The following ERAP2 variants were observed in gnomAD, a reference collection of about 807,000 sequenced individuals.
ERAP2 encodes endoplasmic reticulum aminopeptidase 2, also known as leukocyte-derived arginine aminopeptidase.
In ERAP2, 118 loss-of-function variants were observed where a neutral mutation model predicts 111.1. The observed-to-expected ratio is 1.06, with a 90% CI of 0.92 to 1.24. The LOEUF is 1.24. ERAP2 is among the 50% of genes most tolerant of loss of function. The pLI, the probability that ERAP2 is intolerant of heterozygous loss-of-function variation, is 0.00. For synonymous variants in ERAP2, 410 were observed against 401.2 expected (o/e 1.02, Z -0.26); for missense variants, 1,131 against 1,125.8 (o/e 1.00, Z -0.07).
At chr5:96,896,053 AG>A (rs2151160403) in intron 7 of ERAP2, among the ~76,000 whole-genome samples, 1 of 152,322 alleles carries the variant, frequency 6.6e-6, no homozygotes, top group Non-Finnish European at 1.5e-5. Context: ...ACAGGATTGC[AG>A]ATGATAGGTC....
At chr5:96,916,325 T>C (rs1018474404) in intron 18 of ERAP2, among the ~76,000 whole-genome samples, 18 of 151,882 alleles carry the variant, frequency 1.2e-4, no homozygotes, top group South Asian at 4.1e-4. Flanking sequence ...AAAATGAAAA[T>C]AGACTTGAGA....
chr5:96,912,756 T>C lies in ERAP2; in HGVS notation c.2474T>C (p.Leu825Pro), dbSNP rs1225766579. 1.2e-6 allele frequency: 2 copies of C among 1,600,786 alleles called. No homozygotes were observed. The highest frequency in any genetic ancestry group is 1.4e-5 in the African/African-American group (1 of 74,002). Residue 825 changes from leucine (L) to proline (P), a missense_variant, in exon 16 of 19, where the codon CTG becomes CCG. Around this residue, in one of 3 missense-constraint regions of ERAP2, gnomAD observed 279 missense variants for 250.9 expected, o/e 1.11. Transcript: ENST00000437043. ...SMSSAEQNKI[L>P]YALSTSKHQE... The stretch of plus-strand genomic sequence containing the variant: ...TCAAGTGCTGAACAAAACAAAATTC[T>C]GTATGCTTTGTCAACGAGCAAGCAT...
Position 96,895,258 on chromosome 5 carries a change from C to T in ERAP2, c.1138C>T (p.Leu380=). The change falls in exon 7 of 19, where the codon CTG becomes TTG. Residue 380 remains leucine, a synonymous_variant. Coordinates refer to ENST00000437043, the MANE Select transcript of ERAP2 (RefSeq NM_022350.5). ...HELAHQWFGN[L]VTMEWWNDIW... is the part of the protein sequence containing the mutation. ...TTTTACCTCCTAGTGGTTTGGCAAC[C>T]TGGTCACAATGGAATGGTGGAATGA... is the stretch of plus-strand genomic sequence containing the variant. 4 of 1,607,500 alleles carry T rather than the reference C, an allele frequency of 2.5e-6. No individual in the cohort carries two copies. Among genetic ancestry groups the T allele is most frequent in the Non-Finnish European group, 3.4e-6 (4 of 1,177,050 alleles).
chr5:96,895,804 T>G, intron 7 of ERAP2, among the ~76,000 whole-genome samples: 1 of 152,198 alleles, frequency 6.6e-6, no homozygotes, highest in Non-Finnish European at 1.5e-5. Flanking sequence ...CAGGTACGTC[T>G]TTTTTAAAAA....
chr5:96,902,123 GTC>G, intron 11 of ERAP2, 149 bp from the exon 12 acceptor site: 3 of 573,272 alleles, frequency 5.2e-6, no homozygotes, highest in South Asian at 2.5e-5. Context: ...GGATATGCTA[GTC>G]TTAGCCTATA....
chr5:96,912,929 T>G, intron 16 of ERAP2, 131 bp downstream of exon 16: 1 of 711,256 alleles, frequency 1.4e-6, no homozygotes. Context: ...TTAACTTTAC[T>G]TTCAGAAAAG....
chr5:96,885,158 T>A (rs112693533), intron 3 of ERAP2, among the ~76,000 whole-genome samples: 1,795 of 152,294 alleles, frequency 0.012, 24 homozygotes, highest in Non-Finnish European at 0.019. Flanking sequence ...ACCAGCCTTC[T>A]AGTAGCCCAG....
chr5:96,913,543 A>G, intron 17 of ERAP2, 86 bp downstream of exon 17: 1 of 1,466,082 alleles, frequency 6.8e-7, no homozygotes, highest in South Asian at 1.2e-5. Context: ...TGTTTCTCAA[A>G]GCATATAAAT....
In ERAP2 at chr5:96,882,346, G is replaced by T. The variant is rs142137561; in HGVS notation, c.576-1446G>T. Among the ~76,000 whole-genome samples, 19 of 152,266 alleles carry T rather than the reference G, an allele frequency of 1.2e-4. No individual in the cohort carries two copies. The East Asian group carries it at 2.7e-3, about 22-fold the overall frequency. On this transcript the variant is annotated intron_variant, in intron 2 of 18. Transcript: ENST00000437043. ...GGAGATATTTGGAGTAAAGCTGTAG[G>T]ACTTTCCAGCATGCCTCCCGTGATT...
intron 5 of ERAP2, among the ~76,000 whole-genome samples, chr5:96,891,503 A>G (rs536748031): frequency 0.15 from 5,898 of 39,148 alleles, 199 homozygotes; most frequent in Middle Eastern, 0.33. Flanking sequence ...GTGTGTGTAT[A>G]TATATATATA....
In ERAP2 at chr5:96,902,283, G is replaced by A. The variant is rs374809768; in HGVS notation, c.1758G>A (p.Trp586Ter). The change falls in exon 12 of 19, where the codon TGG (tryptophan) becomes TGA (stop). Residue 586 changes from tryptophan (W) to a stop codon, truncating the protein, a stop_gained. Transcript: ENST00000437043. LOFTEE classifies it high-confidence loss of function. ...EWRALQERYL[W>*]HIPLTYSTSS... ...TTACTCTCTGTCATAGGTACCTGTG[G>A]CATATCCCATTGACCTACTCCACGA... The A allele has an allele frequency of 2.6e-5, 41 of 1,604,124 alleles. No individual in the cohort carries two copies. Among genetic ancestry groups the A allele is most frequent in the Admixed American group, 5.0e-5 (3 of 59,948 alleles).
intron 5 of ERAP2, 23 bp from the exon 6 acceptor site, chr5:96,892,276 G>A: frequency 6.2e-7 from 1 of 1,612,606 alleles, no homozygotes; most frequent in Non-Finnish European, 8.5e-7. Flanking sequence ...TAAAACTCAA[G>A]TATGGTTGTT....
chr5:96,886,248 A>G (rs1336941813), intron 3 of ERAP2, among the ~76,000 whole-genome samples: 5 of 152,216 alleles, frequency 3.3e-5, no homozygotes, highest in African/African-American at 1.2e-4. Flanking sequence ...TTCTTTTTCC[A>G]CAGGGGTGTA....
chr5:96,885,665 T>C (rs969751546), intron 3 of ERAP2, among the ~76,000 whole-genome samples: 1 of 152,206 alleles, frequency 6.6e-6, no homozygotes, highest in African/African-American at 2.4e-5. Flanking sequence ...GTCAGCATCA[T>C]CACAAGCCTG....
chr5:96,889,011 A>G (rs1157761090), intron 4 of ERAP2, among the ~76,000 whole-genome samples, 174 bp from the exon 5 acceptor site: 6 of 152,150 alleles, frequency 3.9e-5, no homozygotes, highest in African/African-American at 1.4e-4. Flanking sequence ...TTCAAGACTG[A>G]CTTTTGCTTT....
intron 2 of ERAP2, 79 bp downstream of exon 2, chr5:96,880,339 T>C: frequency 7.9e-7 from 1 of 1,262,562 alleles, no homozygotes; most frequent in Non-Finnish European, 1.1e-6. Flanking sequence ...GGAGCAGACT[T>C]CAGCAGCCAT....
intron 9 of ERAP2, among the ~76,000 whole-genome samples, chr5:96,899,334 T>C (rs251339): frequency 0.58 from 88,610 of 152,014 alleles, 26,090 homozygotes; most frequent in South Asian, 0.71. Context: ...TGACCAACTC[T>C]CTTCTGACAC....
intron 3 of ERAP2, among the ~76,000 whole-genome samples, chr5:96,885,461 A>G (rs1234547381): frequency 6.6e-6 from 1 of 152,230 alleles, no homozygotes; most frequent in Non-Finnish European, 1.5e-5. Flanking sequence ...TTTTATCAGT[A>G]CCTTCCTCTT....
intron 13 of ERAP2, among the ~76,000 whole-genome samples, chr5:96,903,938 C>A (rs937502489): frequency 3.3e-5 from 5 of 152,146 alleles, no homozygotes; most frequent in Non-Finnish European, 7.3e-5. Context: ...TCCCAAATGG[C>A]CTGTTTCATT....
Sources: gnomAD v4.1 joint callset for allele counts (sites outside exome capture counted in the v4.1 genomes callset) on GRCh38, gnomAD v4.1.1 for gene constraint, gnomAD v4.1.1 regional missense constraint, MANE v1.5 for transcripts, NCBI Gene and HGNC (gene_info 2026-07-23, HGNC 2026-07-21) for gene names.